The following MAN2B1 variants were observed in gnomAD, a reference collection of about 807,000 sequenced individuals.
MAN2B1 encodes the protein lysosomal alpha-mannosidase.
A neutral mutation model predicts 127.5 loss-of-function variants in MAN2B1; 99 were observed. That is an observed-to-expected ratio of 0.78 (90% CI 0.66 to 0.92). The LOEUF (loss-of-function observed/expected upper bound fraction) is 0.92, where lower values mean the gene tolerates loss of function less well. Among genes scored for constraint, MAN2B1 ranks in the 40% least tolerant of loss-of-function variants. The pLI is 0.00. For synonymous variants in MAN2B1, 573 were observed against 568.8 expected (o/e 1.01, Z -0.11); for missense variants, 1,304 against 1,384.8 (o/e 0.94, Z 0.93).
chr19:12,659,364 C>T (rs893202380), intron 7 of MAN2B1, among the ~76,000 whole-genome samples: 2 of 148,068 alleles, frequency 1.4e-5, no homozygotes, highest in Non-Finnish European at 3.0e-5. Context: ...TGCAGTGGCA[C>T]GATCTCAGCT....
At chr19:12,656,748 CTT>C (rs1457320254) in intron 12 of MAN2B1, 61 bp from the exon 13 acceptor site, 8 of 1,303,776 alleles carry the variant, frequency 6.1e-6, no homozygotes, top group Non-Finnish European at 8.9e-6. Flanking sequence ...AACCCACCCA[CTT>C]TGCACAGAAA....
chr19:12,649,575 G>A lies in MAN2B1; in HGVS notation c.2268-147C>T, dbSNP rs555436266. The A allele has an allele frequency of 8.2e-4, 523 of 634,968 alleles. 3 individuals are homozygous for A. Among genetic ancestry groups the A allele is most frequent in the East Asian group, 7.9e-3 (284 of 35,740 alleles). 39.3% of individuals were successfully genotyped at this position (634,968 alleles called of 1,614,324 possible). ...CGGCTCACTGCAAGCTCCGCCTCCC[G>A]GCTTCACGCCATTCTCCTGCCTCAG... On this transcript the variant is annotated intron_variant, in intron 18 of 23. Coordinates refer to ENST00000456935, the MANE Select transcript of MAN2B1 (RefSeq NM_000528.4).
rs1042861216 is a variant in MAN2B1, at chr19:12,656,518, A to G, written c.1644+53T>C. 9.3e-6 allele frequency: 12 copies of G among 1,288,922 alleles called. No homozygotes were observed. In the African/African-American group the frequency reaches 1.6e-4, roughly 17 times the overall value. 79.8% of individuals were successfully genotyped at this position (1,288,922 alleles called of 1,614,324 possible). A position where few individuals can be genotyped will look rare whatever the true frequency, so the allele number is the denominator to read the frequency against. On this transcript the variant is annotated intron_variant, in intron 13 of 23. Coordinates refer to ENST00000456935, the MANE Select transcript of MAN2B1 (RefSeq NM_000528.4). ...CGATATCCATGGGGGCGATGAGGAA[A>G]TGCCCACTGGGGGAGGAGTCCCAGC...
Position 12,655,842 on chromosome 19 carries a change from G to C in MAN2B1, c.1682C>G (p.Pro561Arg), listed in dbSNP as rs372845403. 1.5e-5 allele frequency: 24 copies of C among 1,613,882 alleles called. No homozygotes were observed. Among genetic ancestry groups the C allele is most frequent in the Non-Finnish European group, 1.9e-5 (23 of 1,180,020 alleles). The change falls in exon 14 of 24, where the codon CCT becomes CGT. Residue 561 changes from proline (P) to arginine (R), a missense_variant. Pro to Arg is a moderately radical substitution (Grantham distance 103, BLOSUM62 -2). Transcript: ENST00000456935. ...TGAGGCTGAGAACAGCAGCTCCGGA[G>C]GGTGCGCCTGGCTGTCTGAGCTGGG... ...IFPSSDSQAH[P>R]PELLFSASLP...
chr19:12,656,118 T>C (rs1599348747), intron 13 of MAN2B1: 1 of 339,742 alleles, frequency 2.9e-6, no homozygotes, highest in Non-Finnish European at 5.1e-6. Context: ...AAGGAGGAAG[T>C]AGGGGAAGAA....
chr19:12,663,979 GCCTT>G, intron 4 of MAN2B1, 144 bp from the exon 5 acceptor site: 1 of 1,132,060 alleles, frequency 8.8e-7, no homozygotes, highest in Non-Finnish European at 1.3e-6. Flanking sequence ...TATGATCCCA[GCCTT>G]CTGGGAGGCC....
rs746868162 is a variant in MAN2B1, at chr19:12,665,723, AC to A, written c.241del (p.Val81TrpfsTer76). 1.5e-5 allele frequency: 25 copies of A among 1,614,176 alleles called. No homozygotes were observed. Among genetic ancestry groups the A allele is most frequent in the Non-Finnish European group, 2.1e-5 (25 of 1,180,022 alleles). ...CTCACTTCCATAAAAGTACTGGTCC[AC>A]GGTTTTGAGCCAGCCCACGTCATCA... ...THDDVGWLKT[V>X]DQYFYGIKND... is the part of the protein sequence containing the mutation. On this transcript the variant is annotated frameshift_variant, in exon 2 of 24. Transcript: ENST00000456935. LOFTEE classifies it high-confidence loss of function.
intron 23 of MAN2B1, chr19:12,646,938 C>A: frequency 1.6e-6 from 1 of 612,086 alleles, no homozygotes; most frequent in Non-Finnish European, 2.9e-6. Flanking sequence ...TGGCCACTGT[C>A]CTCGTACCCT....
rs374641984 is a variant in MAN2B1 at position 12,664,834 on chromosome 19, G to T, written c.588C>A (p.Asp196Glu). 4 of 1,613,806 alleles carry T rather than the reference G, an allele frequency of 2.5e-6. No individual in the cohort carries two copies. Among genetic ancestry groups the T allele is most frequent in the South Asian group, 1.1e-5 (1 of 91,052 alleles). ...DGRPRVAWHI[D>E]PFGHSREQAS... ...CCTGCTCCCGAGAGTGGCCGAAGGGGTCAATGTGCCAGGCCACACGGGGTC... is the reference window on the plus strand; with the variant it reads ...CCTGCTCCCGAGAGTGGCCGAAGGGTTCAATGTGCCAGGCCACACGGGGTC... Residue 196 changes from aspartate (D) to glutamate (E), a missense_variant, in exon 4 of 24, where the codon GAC becomes GAA. Asp to Glu is a conservative substitution (Grantham distance 45). Transcript: ENST00000456935.
At chr19:12,660,772 TTTTTG>T in intron 7 of MAN2B1, 2 of 151,182 alleles carry the variant, frequency 1.3e-5, no homozygotes, top group South Asian at 2.0e-4. Context: ...TTTTTTTTTT[TTTTTG>T]AGACAGAGTC....
chr19:12,666,074 C>A (rs1429132790), intron 1 of MAN2B1, among the ~76,000 whole-genome samples: 1 of 152,206 alleles, frequency 6.6e-6, no homozygotes, highest in Non-Finnish European at 1.5e-5. Flanking sequence ...CATTTGCCGA[C>A]AGCAGACGGC....
At chr19:12,658,731 C>G (rs1407022526) in intron 7 of MAN2B1, 5 of 578,700 alleles carry the variant, frequency 8.6e-6, no homozygotes, top group Non-Finnish European at 1.5e-5. Context: ...AAGAATAAAC[C>G]TGAAATTTTA....
Position 12,657,523 on chromosome 19 carries a change from C to T in MAN2B1, c.1342G>A (p.Ala448Thr). 6.4e-7 allele frequency: 1 copy of T among 1,565,478 alleles called. No individual in the cohort carries two copies. Among genetic ancestry groups the T allele is most frequent in the South Asian group, 1.2e-5 (1 of 85,364 alleles). The change falls in exon 11 of 24, where the codon GCC becomes ACC. Residue 448 changes from alanine (A) to threonine (T), a missense_variant. By Grantham distance (58) the Ala-to-Thr change is moderately conservative (BLOSUM62 0). Coordinates refer to ENST00000456935, the MANE Select transcript of MAN2B1 (RefSeq NM_000528.4). ...EAMAVLQHHD[A>T]VSGTSRQHVA... ...TGCTGGCGGGAGGTGCCGCTGACGG[C>T]GTCGTGATGCTGGAGCACAGCCATC...
chr19:12,663,965 TGCCTATGATCCCA>T lies in MAN2B1; in HGVS notation c.631-143_631-131del, dbSNP rs1413622854. 9.8e-5 allele frequency: 122 copies of T among 1,248,238 alleles called. 2 individuals are homozygous for T. The Middle Eastern group carries it at 6.0e-3, about 62-fold the overall frequency. The allele number at this position is 1,248,238 out of a possible 1,614,324, so 77.3% of individuals were successfully genotyped here. A position where few individuals can be genotyped will look rare whatever the true frequency, so the allele number is the denominator to read the frequency against. On this transcript the variant is annotated intron_variant, in intron 4 of 23. Coordinates refer to ENST00000456935, the MANE Select transcript of MAN2B1 (RefSeq NM_000528.4). ...AGTGCTAGGTCGATGTGGTGGCTCTTGCCTATGATCCCAGCCTTCTGGGAGGCCAAAACAGGAG... is the reference window on the plus strand; with the variant it reads ...AGTGCTAGGTCGATGTGGTGGCTCTTGCCTTCTGGGAGGCCAAAACAGGAG...
intron 14 of MAN2B1, among the ~76,000 whole-genome samples, chr19:12,652,932 C>A (rs958758929): frequency 6.6e-6 from 1 of 151,528 alleles, no homozygotes; most frequent in African/African-American, 2.4e-5. Flanking sequence ...CCCCTGGGTT[C>A]CAGCAATTCT....
At chr19:12,665,944 G>T in intron 1 of MAN2B1, 139 bp from the exon 2 acceptor site, 1 of 712,540 alleles carries the variant, frequency 1.4e-6, no homozygotes, top group Non-Finnish European at 2.5e-6. Flanking sequence ...GCCCTCCCAG[G>T]CAGGACACAC....
chr19:12,664,780 C>G lies in MAN2B1; in HGVS notation c.630+12G>C, dbSNP rs368271384. ...GTGAAGAAGTGGGCCCAAGAGAGGT[C>G]CCGGGTCGCACCTGCGCAAACAGCG... On this transcript the variant is annotated intron_variant, in intron 4 of 23. Transcript: ENST00000456935. The G allele has an allele frequency of 5.3e-4, 860 of 1,610,302 alleles. 4 individuals carry two copies. The highest frequency in any genetic ancestry group is 3.4e-3 in the South Asian group (305 of 90,600).
chr19:12,654,345 C>T (rs973960537), intron 14 of MAN2B1, among the ~76,000 whole-genome samples: 2 of 152,054 alleles, frequency 1.3e-5, no homozygotes, highest in African/African-American at 2.4e-5. Context: ...CCCGGCCCCC[C>T]CAACCTTATT....
At chr19:12,655,060 C>T (rs1312088221) in intron 14 of MAN2B1, among the ~76,000 whole-genome samples, 1 of 152,126 alleles carries the variant, frequency 6.6e-6, no homozygotes, top group African/African-American at 2.4e-5. Context: ...TCGAACTCCC[C>T]AGCTCAAACA....
Sources: gnomAD v4.1 joint callset for allele counts (sites outside exome capture counted in the v4.1 genomes callset) on GRCh38, gnomAD v4.1.1 for gene constraint, MANE v1.5 for transcripts, NCBI Gene and HGNC (gene_info 2026-07-23, HGNC 2026-07-21) for gene names.